The following LGR6 variants were observed in gnomAD, a reference collection of about 807,000 sequenced individuals.
The protein encoded by LGR6 is leucine rich repeat containing G protein-coupled receptor 6.
LGR6 carries 45 observed loss-of-function variants against 69.4 expected under a neutral mutation model. The ratio of observed to expected loss-of-function variants is 0.65; its 90% confidence interval spans 0.51 to 0.83. LGR6 has a LOEUF of 0.83. LGR6 is among the 40% of genes least tolerant of loss of function. The probability of loss-of-function intolerance (pLI) is 0.00; values close to 1 mark genes in which losing one functional copy is unlikely to be tolerated. For missense variants in LGR6, 1,108 were observed against 1,246.7 expected (o/e 0.89, Z 1.68); for synonymous variants, 538 against 555.0 (o/e 0.97, Z 0.43).
intron 17 of LGR6, 59 bp from the exon 18 acceptor site, chr1:202,317,893 C>A: frequency 6.8e-7 from 1 of 1,480,890 alleles, no homozygotes; most frequent in Non-Finnish European, 9.1e-7. Flanking sequence ...TGACCTTGGT[C>A]CTGAAGACCT....
At chr1:202,220,895 A>G (rs1351016889) in intron 1 of LGR6, among the ~76,000 whole-genome samples, 1 of 152,186 alleles carries the variant, frequency 6.6e-6, no homozygotes, top group Non-Finnish European at 1.5e-5. Flanking sequence ...ATTCACACAC[A>G]CACACACTAT....
chr1:202,201,891 A>G (rs1328216033), intron 1 of LGR6, among the ~76,000 whole-genome samples: 1 of 152,132 alleles, frequency 6.6e-6, no homozygotes, highest in Non-Finnish European at 1.5e-5. Context: ...ATCAGCGTTG[A>G]TGTTGAGGAC....
chr1:202,225,223 G>T (rs77426434), intron 1 of LGR6, 200 bp from the exon 2 acceptor site: 4 of 534,548 alleles, frequency 7.5e-6, no homozygotes, highest in African/African-American at 1.9e-5. Context: ...CAAATGACCC[G>T]GGAGGCCTGA....
At chr1:202,314,733 T>G in intron 16 of LGR6, 69 bp from the exon 17 acceptor site, 1 of 1,102,630 alleles carries the variant, frequency 9.1e-7, no homozygotes, top group Non-Finnish European at 1.4e-6. Flanking sequence ...GGAGGGGGCA[T>G]TTGGAGAAAG....
intron 4 of LGR6, among the ~76,000 whole-genome samples, chr1:202,248,650 G>A (rs562505378): frequency 7.1e-4 from 108 of 152,308 alleles, no homozygotes; most frequent in African/African-American, 2.5e-3. Context: ...ATGTGCTGCC[G>A]TGGCGTGGCA....
chr1:202,315,881 C>T (rs1024821076), intron 17 of LGR6, among the ~76,000 whole-genome samples: 2 of 152,162 alleles, frequency 1.3e-5, no homozygotes, highest in Non-Finnish European at 2.9e-5. Flanking sequence ...TTCACAATGC[C>T]ATGGAAATTT....
rs186430460 is a variant in LGR6, at chr1:202,306,740, G to T, written c.1137-128G>T. ...CCTTTAATTCTGGTGACTTCCTCGG[G>T]CTGGGCCCTTTCTTCCTGTGCCAGG... is the stretch of plus-strand genomic sequence containing the variant. On this transcript the variant is annotated intron_variant, in intron 12 of 17. Coordinates refer to ENST00000367278, the MANE Select transcript of LGR6 (RefSeq NM_001017403.2). The T allele has an allele frequency of 2.2e-4, 186 of 856,654 alleles. 1 individual carries two copies. In the African/African-American group the frequency reaches 2.8e-3, roughly 13 times the overall value. 53.1% of individuals were successfully genotyped at this position (856,654 alleles called of 1,614,324 possible).
At chr1:202,244,454 A>G (rs1455954715) in intron 4 of LGR6, among the ~76,000 whole-genome samples, 1 of 152,214 alleles carries the variant, frequency 6.6e-6, no homozygotes, top group Non-Finnish European at 1.5e-5. Context: ...CCAAGGTGTC[A>G]GCAGAGCTGC....
intron 6 of LGR6, among the ~76,000 whole-genome samples, chr1:202,292,266 C>T (rs993037304): frequency 1.3e-5 from 2 of 152,182 alleles, no homozygotes; most frequent in South Asian, 2.1e-4. Context: ...AAGATCTTTC[C>T]GGCAGATGTG....
chr1:202,237,224 C>T (rs1413041858), intron 4 of LGR6, among the ~76,000 whole-genome samples: 1 of 152,226 alleles, frequency 6.6e-6, no homozygotes, highest in Non-Finnish European at 1.5e-5. Flanking sequence ...GGCCCCAGCC[C>T]TCTCCTCTCC....
intron 1 of LGR6, among the ~76,000 whole-genome samples, chr1:202,204,446 T>TCC (rs1658976078): frequency 8.7e-5 from 1 of 11,438 alleles, no homozygotes; most frequent in African/African-American, 3.0e-4. Context: ...CACACACACC[T>TCC]CCACACACAC....
rs566710503 is a variant in LGR6 at position 202,197,357 on chromosome 1, C to T, written c.212+3156C>T. 7 of 529,650 alleles carry T rather than the reference C, an allele frequency of 1.3e-5. No homozygotes were observed. The African/African-American group carries it at 1.3e-4, about 10-fold the overall frequency. 32.8% of individuals were successfully genotyped at this position (529,650 alleles called of 1,614,324 possible). On this transcript the variant is annotated intron_variant, in intron 1 of 17. Coordinates refer to ENST00000367278, the MANE Select transcript of LGR6 (RefSeq NM_001017403.2). ...TACCACTTTTGGGCTCAATGCCAGCCCTGTTTGATCAAGGTTGGGAAGACG... is the reference window on the plus strand; with the variant it reads ...TACCACTTTTGGGCTCAATGCCAGCTCTGTTTGATCAAGGTTGGGAAGACG...
chr1:202,281,195 C>T (rs542999156), intron 6 of LGR6, among the ~76,000 whole-genome samples: 1 of 151,984 alleles, frequency 6.6e-6, no homozygotes, highest in East Asian at 1.9e-4. Flanking sequence ...ATATGAAGCC[C>T]GGGGAATAGA....
At chr1:202,277,060 C>A (rs2153005) in intron 5 of LGR6, among the ~76,000 whole-genome samples, 10 of 152,102 alleles carry the variant, frequency 6.6e-5, no homozygotes, top group Non-Finnish European at 8.8e-5. Context: ...AACTCTGCCT[C>A]CCCAGTGGGA....
chr1:202,216,470 A>G (rs1156886101), intron 1 of LGR6, among the ~76,000 whole-genome samples: 12 of 152,258 alleles, frequency 7.9e-5, no homozygotes, highest in Non-Finnish European at 1.8e-4. Context: ...TGTCCAATAC[A>G]GGAGCCACTA....
chr1:202,248,444 C>T (rs72748708), intron 4 of LGR6, among the ~76,000 whole-genome samples: 5,668 of 152,324 alleles, frequency 0.037, 142 homozygotes, highest in Middle Eastern at 0.095. Flanking sequence ...TGGAATGTGA[C>T]CCCATCCGGG....
intron 1 of LGR6, chr1:202,197,230 G>A (rs769739659): frequency 4.6e-5 from 20 of 435,012 alleles, no homozygotes; most frequent in Admixed American, 4.0e-4. Context: ...CTTTCATGAG[G>A]TAGGTGCTTC....
intron 3 of LGR6, 96 bp from the exon 4 acceptor site, chr1:202,235,826 C>T (rs1661496469): frequency 9.9e-7 from 1 of 1,009,882 alleles, no homozygotes. Context: ...AAGGAGGGGT[C>T]TGGCTTGGGA....
intron 1 of LGR6, among the ~76,000 whole-genome samples, chr1:202,205,915 C>A (rs989312065): frequency 1.3e-4 from 20 of 151,132 alleles, no homozygotes; most frequent in Non-Finnish European, 2.5e-4. Context: ...ACACACACAC[C>A]TCCTTCAAAC....
Sources: gnomAD v4.1 joint callset for allele counts (sites outside exome capture counted in the v4.1 genomes callset) on GRCh38, gnomAD v4.1.1 for gene constraint, MANE v1.5 for transcripts, NCBI Gene and HGNC (gene_info 2026-07-23, HGNC 2026-07-21) for gene names.